Variants in ZFC3H1 observed in about 807,000 individuals in gnomAD.
ZFC3H1 encodes the protein zinc finger C3H1-type containing.
Under a neutral mutation model 243.7 loss-of-function variants are expected in ZFC3H1, and 71 were observed. That is an observed-to-expected ratio of 0.29 (90% CI 0.24 to 0.36). ZFC3H1 has a LOEUF of 0.36. ZFC3H1 is among the 10% of genes least tolerant of loss of function. The pLI, the probability that ZFC3H1 is intolerant of heterozygous loss-of-function variation, is 1.00. For missense variants in ZFC3H1, 1,966 were observed against 2,317.1 expected (o/e 0.85, Z 3.11); for synonymous variants, 838 against 813.0 (o/e 1.03, Z -0.52).
At position 71,645,091 on chromosome 12, in the gene ZFC3H1, A is replaced by C. The variant is rs936642732; in HGVS notation, c.1081-16T>G. On this transcript the variant is annotated splice_polypyrimidine_tract_variant and intron_variant, in intron 3 of 34. Transcript: ENST00000378743. ...CACCAAGTTTCTTTAAAGCAAAAAG[A>C]AAGAGCTAAAATTTTTTAATTCTAT... 6.4e-7 allele frequency: 1 copy of C among 1,569,140 alleles called. No homozygotes were observed. Among genetic ancestry groups the C allele is most frequent in the Non-Finnish European group, 8.6e-7 (1 of 1,164,454 alleles).
In ZFC3H1 at chr12:71,638,496, C is replaced by T. The variant is rs1454915083; in HGVS notation, c.1647G>A (p.Pro549=). The change falls in exon 7 of 35, where the codon CCG becomes CCA. Residue 549 remains proline (P), a synonymous_variant. Coordinates refer to ENST00000378743, the MANE Select transcript of ZFC3H1 (RefSeq NM_144982.5). ...CCAATGAACATTCAGAGAAAAATGG[C>T]GGTTGCACTGGTGAAGGAGCTGTAA... ...TSSPAPSPVQ[P]PFFSECSLGY... 14 of 1,609,806 alleles carry T rather than the reference C, an allele frequency of 8.7e-6. No individual in the cohort carries two copies. The highest frequency in any genetic ancestry group is 1.1e-5 in the South Asian group (1 of 90,108).
chr12:71,642,051 T>C (rs1880614553), intron 6 of ZFC3H1, among the ~76,000 whole-genome samples: 1 of 152,142 alleles, frequency 6.6e-6, no homozygotes, highest in Non-Finnish European at 1.5e-5. Flanking sequence ...GGTTTCGCCA[T>C]GTCAGCCAGG....
Position 71,610,907 on chromosome 12 carries a change from T to C in ZFC3H1, c.5770-150A>G, listed in dbSNP as rs1205337679. 2.1e-6 allele frequency: 3 copies of C among 1,419,582 alleles called. No homozygotes were observed. The African/African-American group carries it at 4.3e-5, about 20-fold the overall frequency. The allele number at this position is 1,419,582 out of a possible 1,614,324, so 87.9% of individuals were successfully genotyped here. ...GGAGTTTCCGAATATTTGGTACTCT[T>C]AAAATGTTAACTACTTTTGTTTCCC... On this transcript the variant is annotated intron_variant, in intron 33 of 34. Transcript: ENST00000378743.
In ZFC3H1 at chr12:71,633,378, C is replaced by G; in HGVS notation, c.2571G>C (p.Lys857Asn). ...CTTCAGCATTTCTAACAGATTCTTT[C>G]TTCTTAGCTTCTTGTTGCACTAAAT... ...LKNLVQQEAKKKESVRNAEAK... is the reference protein window; with the variant it reads ...LKNLVQQEAKNKESVRNAEAK... The change falls in exon 13 of 35, where the codon AAG becomes AAC. Residue 857 changes from lysine (K) to asparagine (N), a missense_variant. Physicochemically the swap from Lys to Asn is moderately conservative, Grantham distance 94. Coordinates refer to ENST00000378743, the MANE Select transcript of ZFC3H1 (RefSeq NM_144982.5). 1.3e-6 allele frequency: 2 copies of G among 1,596,318 alleles called. No individual in the cohort carries two copies. The highest frequency in any genetic ancestry group is 1.7e-6 in the Non-Finnish European group (2 of 1,170,920).
intron 32 of ZFC3H1, 106 bp downstream of exon 32, chr12:71,611,679 AT>A (rs1169768755): frequency 8.0e-4 from 135 of 169,536 alleles, no homozygotes; most frequent in African/African-American, 3.4e-3. Flanking sequence ...AAAAAAAAAT[AT>A]ATATATATAT....
chr12:71,662,705 C>T (rs1881217134), intron 1 of ZFC3H1, among the ~76,000 whole-genome samples: 1 of 152,082 alleles, frequency 6.6e-6, no homozygotes, highest in Non-Finnish European at 1.5e-5. Flanking sequence ...AGTTTCTGTA[C>T]CAGCAAAAAT....
In ZFC3H1 at chr12:71,644,929, T is replaced by C. The variant is rs781074288; in HGVS notation, c.1227A>G (p.Gln409=). Residue 409 remains glutamine (Q), a synonymous_variant, in exon 4 of 35, where the codon CAA becomes CAG. Coordinates refer to ENST00000378743, the MANE Select transcript of ZFC3H1 (RefSeq NM_144982.5). ...EKLTKTKTVQ[Q]KVKTSTKTHS... is the part of the protein sequence containing the mutation. Reference sequence around the variant, plus strand: ...GTGTTTTTGTACTTGTTTTAACTTTTTGCTGTACAGTTTTCGTCTTAGTCA... The same window carrying C: ...GTGTTTTTGTACTTGTTTTAACTTTCTGCTGTACAGTTTTCGTCTTAGTCA... The C allele has an allele frequency of 6.2e-7, 1 of 1,612,592 alleles. No individual in the cohort carries two copies. Among genetic ancestry groups the C allele is most frequent in the African/African-American group, 1.3e-5 (1 of 74,898 alleles).
chr12:71,624,261 T>G lies in ZFC3H1; in HGVS notation c.4349A>C (p.Lys1450Thr). 2 of 1,611,922 alleles carry G rather than the reference T, an allele frequency of 1.2e-6. No homozygotes were observed. The highest frequency in any genetic ancestry group is 1.7e-6 in the Non-Finnish European group (2 of 1,178,766). ...CAACATTCTCTCACATACGTAATCC[T>G]TTTCTTCAAAGGTACTTTCTAGGTG... ...FLHLESTFEE[K>T]DYVCERMLEF... The change falls in exon 23 of 35, where the codon AAG becomes ACG. Residue 1450 changes from lysine (K) to threonine (T), a missense_variant. Coordinates refer to ENST00000378743, the MANE Select transcript of ZFC3H1 (RefSeq NM_144982.5).
chr12:71,659,022 C>T (rs1252707425), intron 1 of ZFC3H1, among the ~76,000 whole-genome samples: 2 of 152,112 alleles, frequency 1.3e-5, no homozygotes, highest in Non-Finnish European at 2.9e-5. Flanking sequence ...TCCATAACTC[C>T]GCATCTCCCT....
intron 13 of ZFC3H1, 82 bp downstream of exon 13, chr12:71,633,182 T>A: frequency 7.0e-7 from 1 of 1,438,378 alleles, no homozygotes; most frequent in Non-Finnish European, 9.3e-7. Context: ...CTGGCTTTAG[T>A]ATACAGTGGT....
intron 16 of ZFC3H1, 111 bp from the exon 17 acceptor site, chr12:71,631,065 T>A (rs1880310136): frequency 8.8e-7 from 1 of 1,132,174 alleles, no homozygotes; most frequent in South Asian, 2.4e-5. Context: ...TTACTATTTA[T>A]GAGCTATTTA....
At chr12:71,646,134 T>C (rs950905084) in intron 3 of ZFC3H1, among the ~76,000 whole-genome samples, 10 of 152,234 alleles carry the variant, frequency 6.6e-5, no homozygotes, top group African/African-American at 2.4e-4. Context: ...TACTAACTAA[T>C]GATTTCACCT....
chr12:71,631,324 T>C (rs1880317856), intron 16 of ZFC3H1, among the ~76,000 whole-genome samples: 1 of 152,088 alleles, frequency 6.6e-6, no homozygotes, highest in African/African-American at 2.4e-5. Flanking sequence ...AATTTTAAGA[T>C]AAAAACATGC....
At chr12:71,615,136 C>G (rs767555693) in intron 28 of ZFC3H1, 70 bp downstream of exon 28, 17 of 1,290,766 alleles carry the variant, frequency 1.3e-5, no homozygotes, top group Non-Finnish European at 1.8e-5. Context: ...ATAACAAACA[C>G]AGTGTAATTC....
chr12:71,661,946 C>G (rs1345925288), intron 1 of ZFC3H1, among the ~76,000 whole-genome samples: 4 of 152,146 alleles, frequency 2.6e-5, no homozygotes, highest in Non-Finnish European at 5.9e-5. Context: ...CTATTCTGGA[C>G]CTAAGTGTTC....
intron 27 of ZFC3H1, among the ~76,000 whole-genome samples, chr12:71,615,557 C>T (rs1829864130): frequency 6.6e-6 from 1 of 152,086 alleles, no homozygotes; most frequent in Non-Finnish European, 1.5e-5. Context: ...CGCTCTGTCA[C>T]CCAGGCTGGA....
chr12:71,620,167 C>A lies in ZFC3H1; in HGVS notation c.4850+43G>T, dbSNP rs753158694. The A allele has an allele frequency of 2.5e-6, 4 of 1,611,616 alleles. No individual in the cohort carries two copies. The Admixed American group carries it at 5.0e-5, about 20-fold the overall frequency. On this transcript the variant is annotated intron_variant, in intron 25 of 34. Transcript: ENST00000378743. ...AAAAAGGCTAAAGACATGAAAAGAT[C>A]ACTTTTTAATATAAGGTTAGCTGCT... is the stretch of plus-strand genomic sequence containing the variant.
At chr12:71,622,399 T>C (rs975916012) in intron 24 of ZFC3H1, among the ~76,000 whole-genome samples, 2 of 152,130 alleles carry the variant, frequency 1.3e-5, no homozygotes, top group African/African-American at 2.4e-5. Flanking sequence ...TCTATAATAA[T>C]CTCTTCCCTT....
chr12:71,656,210 T>TTA, intron 2 of ZFC3H1: 1 of 202,766 alleles, frequency 4.9e-6, no homozygotes, highest in Non-Finnish European at 9.8e-6. Context: ...CTGGTGATGG[T>TTA]TACCCACTGT....
Sources: allele counts gnomAD v4.1 joint callset (sites outside exome capture counted in the v4.1 genomes callset), GRCh38; gene constraint gnomAD v4.1.1; transcripts MANE v1.5; gene names NCBI Gene and HGNC (gene_info 2026-07-23, HGNC 2026-07-21).